The following CCDC61 variants were observed in gnomAD, a reference collection of about 807,000 sequenced individuals.
CCDC61 encodes the protein centrosomal protein CCDC61.
In CCDC61, 55 loss-of-function variants were observed where a neutral mutation model predicts 63.0. The observed-to-expected ratio is 0.87, with a 90% CI of 0.70 to 1.09. The LOEUF is 1.09. Ranked by LOEUF, CCDC61 falls within the 50% of genes least tolerant of loss-of-function variation. The pLI is 0.00. For synonymous variants in CCDC61, 270 were observed against 317.0 expected (o/e 0.85, Z 1.58); for missense variants, 651 against 731.4 (o/e 0.89, Z 1.27).
At chr19:45,999,842 G>C (rs1197030503) in intron 1 of CCDC61, among the ~76,000 whole-genome samples, 1 of 152,154 alleles carries the variant, frequency 6.6e-6, no homozygotes, top group Non-Finnish European at 1.5e-5. Context: ...GTGTGGGCCA[G>C]GATGGGGCCT....
chr19:46,006,472 G>A, intron 3 of CCDC61, 87 bp from the exon 4 acceptor site: 3 of 1,320,184 alleles, frequency 2.3e-6, no homozygotes, highest in Non-Finnish European at 3.0e-6. Context: ...TAGAGAACGG[G>A]AAGGGCTGTG....
At chr19:46,014,341 A>G (rs1460068487) in intron 5 of CCDC61, among the ~76,000 whole-genome samples, 1 of 152,186 alleles carries the variant, frequency 6.6e-6, no homozygotes, top group Non-Finnish European at 1.5e-5. Flanking sequence ...ATATAAACAT[A>G]TAATTTATAA....
intron 2 of CCDC61, 90 bp downstream of exon 2, chr19:46,003,256 T>C: frequency 6.8e-7 from 1 of 1,480,082 alleles, no homozygotes; most frequent in East Asian, 2.4e-5. Flanking sequence ...CCTGCCCACC[T>C]GCCTCTTCTT....
chr19:46,015,521 C>G lies in CCDC61; in HGVS notation c.845+94C>G. ...GGAGCCTAAGGGGGCGGGGCGGGGC[C>G]AGGTAGGGTGGAGGGGGCGGGGCTG... On this transcript the variant is annotated intron_variant, in intron 7 of 13. Coordinates refer to ENST00000595358, the MANE Select transcript of CCDC61 (RefSeq NM_001267723.2). The surrounding 1 kb of genome is among the most constrained non-coding windows in gnomAD (Gnocchi z 5.3). The G allele has an allele frequency of 6.4e-6, 1 of 155,234 alleles. No homozygotes were observed. Among genetic ancestry groups the G allele is most frequent in the Non-Finnish European group, 8.4e-6 (1 of 118,764 alleles). The allele number at this position is 155,234 out of a possible 1,614,324, so 9.6% of individuals were successfully genotyped here. A position where few individuals can be genotyped will look rare whatever the true frequency, so the allele number is the denominator to read the frequency against.
intron 4 of CCDC61, 43 bp downstream of exon 4, chr19:46,006,759 G>A (rs747396388): frequency 1.9e-6 from 3 of 1,554,714 alleles, no homozygotes; most frequent in East Asian, 2.3e-5. Context: ...TGGTGGGCGG[G>A]GTGGGAGAGG....
At chr19:46,003,687 T>G (rs1352950028) in intron 3 of CCDC61, 186 bp downstream of exon 3, 4 of 491,924 alleles carry the variant, frequency 8.1e-6, no homozygotes, top group African/African-American at 7.8e-5. Flanking sequence ...GTTATTCTCA[T>G]GTAGAAAATT....
chr19:45,996,148 C>T (rs945971890), intron 1 of CCDC61: 6 of 153,214 alleles, frequency 3.9e-5, no homozygotes, highest in Non-Finnish European at 4.4e-5. Context: ...TTCTGTGCCT[C>T]AGCTTCATCA....
rs1318335271 is a variant in CCDC61, at chr19:46,008,545, A to T, written c.551+244A>T. ...TGTCTCAGCCTCCCAAGTAGCTGGG[A>T]TTACAGGCACGCGCCACCATGTCCG... On this transcript the variant is annotated intron_variant, in intron 5 of 13. Coordinates refer to ENST00000595358, the MANE Select transcript of CCDC61 (RefSeq NM_001267723.2). Among the ~76,000 whole-genome samples the T allele has an allele frequency of 2.0e-5, 3 of 152,110 alleles. No individual in the cohort carries two copies. In the East Asian group the frequency reaches 5.8e-4, roughly 29 times the overall value.
chr19:46,011,800 A>G (rs74880678), intron 5 of CCDC61, among the ~76,000 whole-genome samples: 43,609 of 151,996 alleles, frequency 0.29, 6,490 homozygotes, highest in African/African-American at 0.34. Flanking sequence ...CTGTACATTC[A>G]CCATTTCTTT....
chr19:46,008,316 G>C lies in CCDC61; in HGVS notation c.551+15G>C. On this transcript the variant is annotated intron_variant, in intron 5 of 13. Coordinates refer to ENST00000595358, the MANE Select transcript of CCDC61 (RefSeq NM_001267723.2). ...CTGCGGGAGCAGTGAGTCTTGGAGGGGTGGGCAGCTGGGGCGGGTGGGGGC... is the reference window on the plus strand; with the variant it reads ...CTGCGGGAGCAGTGAGTCTTGGAGGCGTGGGCAGCTGGGGCGGGTGGGGGC... 7.4e-7 allele frequency: 1 copy of C among 1,355,762 alleles called. No homozygotes were observed. The highest frequency in any genetic ancestry group is 1.0e-6 in the Non-Finnish European group (1 of 967,646). 84.0% of individuals were successfully genotyped at this position (1,355,762 alleles called of 1,614,324 possible).
Position 46,018,418 on chromosome 19 carries a change from C to A in CCDC61, c.*31C>A, listed in dbSNP as rs1350744064. 1.1e-5 allele frequency: 17 copies of A among 1,525,426 alleles called. No homozygotes were observed. In the East Asian group the frequency reaches 3.9e-4, roughly 35 times the overall value. The allele number at this position is 1,525,426 out of a possible 1,614,324, so 94.5% of individuals were successfully genotyped here. A position where few individuals can be genotyped will look rare whatever the true frequency, so the allele number is the denominator to read the frequency against. On this transcript the variant is annotated 3_prime_UTR_variant, in exon 14 of 14. Transcript: ENST00000595358. The surrounding 1 kb of genome is among the most constrained non-coding windows in gnomAD (Gnocchi z 4.2). ...AGAAGGGGTACTACCCCTCCATCCC[C>A]CACCCACTTGCTGGGTATGGTGTGG...
At chr19:46,008,011 T>C (rs1161674520) in intron 4 of CCDC61, 129 bp from the exon 5 acceptor site, 1 of 968,922 alleles carries the variant, frequency 1.0e-6, no homozygotes, top group Non-Finnish European at 1.5e-6. Context: ...GATGTGCTCA[T>C]AAGCCTCTAG....
intron 1 of CCDC61, among the ~76,000 whole-genome samples, chr19:46,002,265 GC>G: frequency 6.6e-6 from 1 of 151,440 alleles, no homozygotes; most frequent in Admixed American, 6.6e-5. Flanking sequence ...CCTTTTAAAA[GC>G]TTGGCTCATC....
intron 5 of CCDC61, among the ~76,000 whole-genome samples, chr19:46,013,515 A>G (rs1204533984): frequency 6.6e-6 from 1 of 152,066 alleles, no homozygotes. Context: ...TAACATATTT[A>G]TTTGCTTTAT....
At chr19:46,017,796 C>T (rs1251179657) in intron 12 of CCDC61, among the ~76,000 whole-genome samples, 1 of 152,152 alleles carries the variant, frequency 6.6e-6, no homozygotes, top group East Asian at 1.9e-4. Flanking sequence ...TGAAACCTGT[C>T]TCCTCCTCTT....
chr19:46,010,543 C>T (rs1968809118), intron 5 of CCDC61, among the ~76,000 whole-genome samples: 1 of 152,120 alleles, frequency 6.6e-6, no homozygotes, highest in Admixed American at 6.5e-5. Flanking sequence ...GTGAGAACTG[C>T]ATCTGGCTGG....
chr19:46,013,437 G>A (rs1363139630), intron 5 of CCDC61, among the ~76,000 whole-genome samples: 1 of 152,092 alleles, frequency 6.6e-6, no homozygotes, highest in Non-Finnish European at 1.5e-5. Flanking sequence ...GATTACAAGT[G>A]TGAGCCACCA....
intron 5 of CCDC61, among the ~76,000 whole-genome samples, chr19:46,012,996 C>A (rs750752765): frequency 8.6e-5 from 13 of 151,892 alleles, no homozygotes; most frequent in Non-Finnish European, 1.6e-4. Context: ...GGACTACAGG[C>A]ACATGGCACC....
At chr19:46,001,020 T>G (rs1375350074) in intron 1 of CCDC61, among the ~76,000 whole-genome samples, 2 of 149,286 alleles carry the variant, frequency 1.3e-5, no homozygotes, top group Admixed American at 1.3e-4. Flanking sequence ...GCTCCTCAGG[T>G]GTTCAGTTCC....
Sources: allele counts gnomAD v4.1 joint callset (sites outside exome capture counted in the v4.1 genomes callset), GRCh38; gene constraint gnomAD v4.1.1; non-coding constraint Gnocchi (gnomAD v3.1); transcripts MANE v1.5; gene names NCBI Gene and HGNC (gene_info 2026-07-23, HGNC 2026-07-21).